The following HS3ST4 variants were observed in gnomAD, a reference collection of about 807,000 sequenced individuals.
HS3ST4 encodes the protein heparan sulfate-glucosamine 3-sulfotransferase 4.
A neutral mutation model predicts 29.2 loss-of-function variants in HS3ST4; 17 were observed. The ratio of observed to expected loss-of-function variants is 0.58; its 90% CI spans 0.40 to 0.87. HS3ST4 has a LOEUF of 0.87. Ranked by LOEUF, HS3ST4 falls within the 40% of genes least tolerant of loss-of-function variation. HS3ST4 has a pLI of 0.00. For synonymous variants in HS3ST4, 314 were observed against 285.7 expected (o/e 1.10, Z -1.00); for missense variants, 627 against 634.5 (o/e 0.99, Z 0.13).
chr16:25,714,237 C>T (rs886872246), intron 1 of HS3ST4, among the ~76,000 whole-genome samples: 2 of 152,212 alleles, frequency 1.3e-5, no homozygotes, highest in African/African-American at 4.8e-5. Context: ...TAAAGACTCT[C>T]TCCACGGCTC....
intron 1 of HS3ST4, among the ~76,000 whole-genome samples, chr16:25,872,467 C>A (rs1243109604): frequency 6.6e-6 from 1 of 152,206 alleles, no homozygotes; most frequent in Non-Finnish European, 1.5e-5. Context: ...CTGCAGTCAG[C>A]TGCCAAGGAG....
intron 1 of HS3ST4, among the ~76,000 whole-genome samples, chr16:25,720,497 ATTG>A (rs1966485557): frequency 6.6e-6 from 1 of 152,192 alleles, no homozygotes; most frequent in Non-Finnish European, 1.5e-5. Context: ...TTGAGAGGTA[ATTG>A]TTGTTTGGAC....
chr16:25,760,782 T>A (rs1036882442), intron 1 of HS3ST4, among the ~76,000 whole-genome samples: 2 of 152,198 alleles, frequency 1.3e-5, no homozygotes, highest in Admixed American at 1.3e-4. Context: ...ATAGTCACAT[T>A]CTGAGGTACT....
intron 1 of HS3ST4, among the ~76,000 whole-genome samples, chr16:25,820,703 A>G (rs559133906): frequency 1.3e-5 from 2 of 151,906 alleles, no homozygotes; most frequent in African/African-American, 4.8e-5. Flanking sequence ...GTGAGTAGCT[A>G]GGACTACAAG....
At chr16:26,053,162 A>G (rs181840254) in intron 1 of HS3ST4, among the ~76,000 whole-genome samples, 230 of 152,328 alleles carry the variant, frequency 1.5e-3, no homozygotes, top group African/African-American at 5.2e-3. Context: ...TTCCATCTGC[A>G]TGTAAATCCT....
chr16:25,729,722 T>C (rs2141593035), intron 1 of HS3ST4, among the ~76,000 whole-genome samples: 1 of 152,332 alleles, frequency 6.6e-6, no homozygotes, highest in South Asian at 2.1e-4. Flanking sequence ...TTTGGGACCA[T>C]CGAGTCTCAC....
intron 1 of HS3ST4, among the ~76,000 whole-genome samples, chr16:25,790,790 G>A (rs2141619664): frequency 6.6e-6 from 1 of 152,022 alleles, no homozygotes; most frequent in Admixed American, 6.6e-5. Flanking sequence ...ACATATTCTG[G>A]GTAAAAGTCC....
chr16:25,778,137 A>T (rs4787762), intron 1 of HS3ST4, among the ~76,000 whole-genome samples: 22,758 of 151,470 alleles, frequency 0.15, 2,355 homozygotes, highest in East Asian at 0.45. Context: ...TACATACTAA[A>T]ATATATATAT....
Position 25,873,480 on chromosome 16 carries a change from C to G in HS3ST4, c.734+180329C>G, listed in dbSNP as rs111067699. Among the ~76,000 whole-genome samples the G allele has an allele frequency of 7.3e-3, 512 of 69,940 alleles. 10 individuals carry two copies. The highest frequency in any genetic ancestry group is 0.024 in the African/African-American group (469 of 19,670). 45.9% of individuals were successfully genotyped at this position (69,940 alleles called of 152,430 possible). A position where few individuals can be genotyped will look rare whatever the true frequency, so the allele number is the denominator to read the frequency against. ...CATTTACCCACCCATCCATCTATCTCTCTATCTATCTATCTATCTATCTAT... is the reference window on the plus strand; with the variant it reads ...CATTTACCCACCCATCCATCTATCTGTCTATCTATCTATCTATCTATCTAT... On this transcript the variant is annotated intron_variant, in intron 1 of 1. Transcript: ENST00000331351.
intron 1 of HS3ST4, among the ~76,000 whole-genome samples, chr16:25,971,155 G>A (rs1331239951): frequency 6.6e-6 from 1 of 152,054 alleles, no homozygotes; most frequent in Non-Finnish European, 1.5e-5. Flanking sequence ...TCAGCCACAA[G>A]CATCCTTTCT....
At chr16:25,776,160 G>A (rs1036582789) in intron 1 of HS3ST4, among the ~76,000 whole-genome samples, 2 of 152,114 alleles carry the variant, frequency 1.3e-5, no homozygotes, top group African/African-American at 4.8e-5. Flanking sequence ...TAGCAATGTA[G>A]GAACATGAGG....
At chr16:25,976,358 T>G (rs1011105887) in intron 1 of HS3ST4, among the ~76,000 whole-genome samples, 1 of 152,002 alleles carries the variant, frequency 6.6e-6, no homozygotes, top group Non-Finnish European at 1.5e-5. Context: ...CAGACTGGAG[T>G]GTAATGGTGC....
intron 1 of HS3ST4, among the ~76,000 whole-genome samples, chr16:25,862,661 C>T (rs1596594775): frequency 6.6e-6 from 1 of 151,610 alleles, no homozygotes; most frequent in Non-Finnish European, 1.5e-5. Flanking sequence ...GTAAGTATTC[C>T]GCTATTTAAC....
At chr16:25,809,576 T>A (rs945356926) in intron 1 of HS3ST4, among the ~76,000 whole-genome samples, 1 of 152,216 alleles carries the variant, frequency 6.6e-6, no homozygotes, top group Non-Finnish European at 1.5e-5. Flanking sequence ...CTGTGTCCAA[T>A]TGATGTATAT....
chr16:26,115,385 T>G (rs1317458233), intron 1 of HS3ST4, among the ~76,000 whole-genome samples: 1 of 152,006 alleles, frequency 6.6e-6, no homozygotes, highest in East Asian at 1.9e-4. Flanking sequence ...TGGTTTCCAA[T>G]GAAGACTTTA....
chr16:25,815,263 C>G (rs1236641187), intron 1 of HS3ST4, among the ~76,000 whole-genome samples: 1 of 152,178 alleles, frequency 6.6e-6, no homozygotes, highest in Non-Finnish European at 1.5e-5. Context: ...GTGAATTTCA[C>G]CCCCGTGGGG....
At chr16:25,813,353 G>A (rs184714534) in intron 1 of HS3ST4, among the ~76,000 whole-genome samples, 4 of 152,262 alleles carry the variant, frequency 2.6e-5, no homozygotes, top group South Asian at 2.1e-4. Context: ...GGCCGGGTGC[G>A]GTGGCTCACA....
chr16:25,942,885 G>T (rs1968586368), intron 1 of HS3ST4, among the ~76,000 whole-genome samples: 1 of 152,150 alleles, frequency 6.6e-6, no homozygotes, highest in South Asian at 2.1e-4. Context: ...GCCTCTCAAA[G>T]TTCTGGGATT....
At chr16:26,104,089 A>T (rs146228991) in intron 1 of HS3ST4, among the ~76,000 whole-genome samples, 678 of 152,326 alleles carry the variant, frequency 4.5e-3, no homozygotes, top group Middle Eastern at 0.01. Flanking sequence ...AGTTTCAATG[A>T]TGTAACCACT....
Sources: gnomAD v4.1 joint callset for allele counts (sites outside exome capture counted in the v4.1 genomes callset) on GRCh38, gnomAD v4.1.1 for gene constraint, MANE v1.5 for transcripts, NCBI Gene and HGNC (gene_info 2026-07-23, HGNC 2026-07-21) for gene names.